SMG9: variants seen among roughly 807,000 people sequenced by gnomAD.
The protein encoded by SMG9 is SMG9 nonsense mediated mRNA decay factor.
Under a neutral mutation model 64.0 loss-of-function variants are expected in SMG9, and 55 were observed. That is an observed-to-expected ratio of 0.86 (90% CI 0.69 to 1.08). The LOEUF (loss-of-function observed/expected upper bound fraction) is 1.08. Among genes scored for constraint, SMG9 ranks in the 50% least tolerant of loss-of-function variants. SMG9 has a pLI of 0.00. For missense variants in SMG9, 554 were observed against 681.3 expected (o/e 0.81, Z 2.08); for synonymous variants, 244 against 254.8 (o/e 0.96, Z 0.41).
intron 6 of SMG9, among the ~76,000 whole-genome samples, chr19:43,740,520 T>C (rs1408442248): frequency 1.3e-5 from 2 of 152,174 alleles, no homozygotes; most frequent in Non-Finnish European, 2.9e-5. Flanking sequence ...TGCCTCTTCC[T>C]GGCTGTGTGG....
rs1048618277 is a variant in SMG9, at chr19:43,729,872, T to C, written c.*1724A>G. 1.3e-5 allele frequency: 2 copies of C among 152,258 alleles called. No individual in the cohort carries two copies. The highest frequency in any genetic ancestry group is 4.8e-5 in the African/African-American group (2 of 41,444). 9.4% of individuals were successfully genotyped at this position (152,258 alleles called of 1,614,324 possible). A position where few individuals can be genotyped will look rare whatever the true frequency, so the allele number is the denominator to read the frequency against. On this transcript the variant is annotated 3_prime_UTR_variant, in exon 14 of 14. Coordinates refer to ENST00000270066, the MANE Select transcript of SMG9 (RefSeq NM_019108.4). ...AGGATGATCTTAAATGTTGGAATAA[T>C]GGCCAGAGAGGGGAGGCTCCTTGCC...
chr19:43,731,857 A>G (rs1968497029), intron 13 of SMG9, among the ~76,000 whole-genome samples, 183 bp from the exon 14 acceptor site: 3 of 152,208 alleles, frequency 2.0e-5, no homozygotes, highest in East Asian at 3.8e-4. Flanking sequence ...AGGTGGCCCA[A>G]CTTTTCTTAG....
At chr19:43,742,143 T>C (rs1243076719) in intron 6 of SMG9, among the ~76,000 whole-genome samples, 1 of 151,480 alleles carries the variant, frequency 6.6e-6, no homozygotes, top group Non-Finnish European at 1.5e-5. Flanking sequence ...GCGACAATTG[T>C]CTCAAAAATA....
At chr19:43,750,542 C>T (rs779306959) in intron 2 of SMG9, 50 bp downstream of exon 2, 12 of 1,560,174 alleles carry the variant, frequency 7.7e-6, no homozygotes, top group Middle Eastern at 1.7e-4. Context: ...ATGGCAGGTG[C>T]GTGGAACCAA....
At position 43,734,454 on chromosome 19, in the gene SMG9, G is replaced by A. The variant is rs1331105650; in HGVS notation, c.1037C>T (p.Ser346Phe). The change falls in exon 10 of 14, where the codon TCC becomes TTC. Residue 346 changes from serine to phenylalanine, a missense_variant. Transcript: ENST00000270066. ...TGAGCTGCTGGACTCGTGGCTGGGG[G>A]ATGGGGTGGAGGGCTTCACCATCTC... is the stretch of plus-strand genomic sequence containing the variant. ...TAEMVKPSTPSPSHESSSSSG... is the reference protein window; with the variant it reads ...TAEMVKPSTPFPSHESSSSSG... The A allele has an allele frequency of 3.8e-6, 6 of 1,563,026 alleles. No individual in the cohort carries two copies. Among genetic ancestry groups the A allele is most frequent in the Non-Finnish European group, 5.2e-6 (6 of 1,153,196 alleles).
chr19:43,745,526 G>T (rs192487713), intron 5 of SMG9, among the ~76,000 whole-genome samples: 258 of 152,328 alleles, frequency 1.7e-3, no homozygotes, highest in African/African-American at 5.9e-3. Flanking sequence ...TGTGGCTGCT[G>T]CTCCTTAGAA....
At chr19:43,734,732 G>A (rs1968602602) in intron 9 of SMG9, 1 of 417,678 alleles carries the variant, frequency 2.4e-6, no homozygotes, top group Non-Finnish European at 4.3e-6. Context: ...TTTTTTAAAG[G>A]CTATTTTTTA....
At chr19:43,744,514 T>G (rs1968938881) in intron 6 of SMG9, among the ~76,000 whole-genome samples, 1 of 150,772 alleles carries the variant, frequency 6.6e-6, no homozygotes. Flanking sequence ...TCCCACTTCT[T>G]GTCTAGGACC....
At chr19:43,746,279 A>G (rs1286740352) in intron 5 of SMG9, among the ~76,000 whole-genome samples, 2 of 152,340 alleles carry the variant, frequency 1.3e-5, no homozygotes, top group South Asian at 4.1e-4. Flanking sequence ...TTGATCATAC[A>G]TGGCTATTTA....
At chr19:43,740,790 C>T (rs1209265480) in intron 6 of SMG9, among the ~76,000 whole-genome samples, 6 of 152,154 alleles carry the variant, frequency 3.9e-5, no homozygotes, top group South Asian at 2.1e-4. Flanking sequence ...CAGCATCTTC[C>T]CCTGTCAGGT....
rs1477957761 is a variant in SMG9 at position 43,747,841 on chromosome 19, CA to C, written c.281del (p.Leu94ArgfsTer8). 1.2e-6 allele frequency: 2 copies of C among 1,606,740 alleles called. No individual in the cohort carries two copies. The highest frequency in any genetic ancestry group is 1.3e-5 in the African/African-American group (1 of 74,870). Reference protein sequence around the residue: ...APAAPPAPAPLEKPIVLMKPR... With the variant: ...APAAPPAPAPXEKPIVLMKPR... Reference sequence around the variant, plus strand: ...GCTTCATGAGAACGATGGGCTTCTCCAGAGGGGCTGGAGCAGGCGGGGCAGC... The same window carrying C: ...GCTTCATGAGAACGATGGGCTTCTCCGAGGGGCTGGAGCAGGCGGGGCAGC... On this transcript the variant is annotated frameshift_variant, in exon 4 of 14. Transcript: ENST00000270066. LOFTEE classifies it high-confidence loss of function.
At chr19:43,733,783 A>G in intron 10 of SMG9, 50 bp from the exon 11 acceptor site, 2 of 1,413,000 alleles carry the variant, frequency 1.4e-6, no homozygotes, top group Non-Finnish European at 2.0e-6. Flanking sequence ...GCTTGGCTTC[A>G]TGGACTCCCC....
In SMG9 at chr19:43,737,635, A is replaced by G. The variant is rs368221107; in HGVS notation, c.957T>C (p.Ile319=). The part of the protein sequence containing the change: ...AFLFTVCHVV[I]VVQDWFTDLS... Reference sequence around the variant, plus strand: ...GGTCTGTGAACCAGTCCTGGACAACAATCACCACATGGCAGACCGTGAAAA... The same window carrying G: ...GGTCTGTGAACCAGTCCTGGACAACGATCACCACATGGCAGACCGTGAAAA... The change falls in exon 9 of 14, where the codon ATT becomes ATC. Residue 319 remains isoleucine (I), a synonymous_variant. Coordinates refer to ENST00000270066, the MANE Select transcript of SMG9 (RefSeq NM_019108.4). 40 of 1,613,938 alleles carry G rather than the reference A, an allele frequency of 2.5e-5. No homozygotes were observed. In the African/African-American group the frequency reaches 5.1e-4, roughly 20 times the overall value.
intron 4 of SMG9, 30 bp from the exon 5 acceptor site, chr19:43,747,569 G>A: frequency 5.0e-6 from 8 of 1,614,140 alleles, no homozygotes; most frequent in Non-Finnish European, 6.8e-6. Flanking sequence ...GGAGACAGAG[G>A]ATGCAGTGAG....
intron 9 of SMG9, among the ~76,000 whole-genome samples, chr19:43,737,367 G>C (rs1165320072): frequency 6.6e-6 from 1 of 152,218 alleles, no homozygotes; most frequent in African/African-American, 2.4e-5. Flanking sequence ...GACTTTGTAA[G>C]CCATGCACGG....
intron 6 of SMG9, among the ~76,000 whole-genome samples, chr19:43,742,007 A>C (rs1444126148): frequency 6.6e-6 from 1 of 151,968 alleles, no homozygotes; most frequent in African/African-American, 2.4e-5. Context: ...AATTAGCCGG[A>C]TGTGGTGGTG....
chr19:43,741,367 G>C (rs1968841551), intron 6 of SMG9, among the ~76,000 whole-genome samples: 1 of 152,192 alleles, frequency 6.6e-6, no homozygotes, highest in Non-Finnish European at 1.5e-5. Flanking sequence ...AGGACTCAAA[G>C]ACCAGCATGG....
chr19:43,754,922 G>C lies in SMG9; in HGVS notation c.-275C>G, dbSNP rs887299603. The stretch of plus-strand genomic sequence containing the variant: ...TGAGATCAGTTCCCTCAGGCGACTC[G>C]TCCTGCGCATGCGCTGAGGGCTGGA... On this transcript the variant is annotated 5_prime_UTR_variant, in exon 1 of 14. Coordinates refer to ENST00000270066, the MANE Select transcript of SMG9 (RefSeq NM_019108.4). 2 of 152,326 alleles carry C rather than the reference G, an allele frequency of 1.3e-5. No individual in the cohort carries two copies. The highest frequency in any genetic ancestry group is 1.5e-5 in the Non-Finnish European group (1 of 68,096). The allele number at this position is 152,326 out of a possible 1,614,324, so 9.4% of individuals were successfully genotyped here.
At position 43,734,466 on chromosome 19, in the gene SMG9, G is replaced by A; in HGVS notation, c.1025C>T (p.Pro342Leu). Residue 342 changes from proline (P) to leucine (L), a missense_variant, in exon 10 of 14, where the codon CCC (proline) becomes CTC (leucine). Coordinates refer to ENST00000270066, the MANE Select transcript of SMG9 (RefSeq NM_019108.4). ...RFLQTAEMVK[P>L]STPSPSHESS... Reference sequence around the variant, plus strand: ...CTCGTGGCTGGGGGATGGGGTGGAGGGCTTCACCATCTCTGCTGTCTGCAG... The same window carrying A: ...CTCGTGGCTGGGGGATGGGGTGGAGAGCTTCACCATCTCTGCTGTCTGCAG... 2 of 1,561,100 alleles carry A rather than the reference G, an allele frequency of 1.3e-6. No individual in the cohort carries two copies. Among genetic ancestry groups the A allele is most frequent in the Non-Finnish European group, 1.7e-6 (2 of 1,152,196 alleles).
Sources: gnomAD v4.1 joint callset for allele counts (sites outside exome capture counted in the v4.1 genomes callset) on GRCh38, gnomAD v4.1.1 for gene constraint, MANE v1.5 for transcripts, NCBI Gene and HGNC (gene_info 2026-07-23, HGNC 2026-07-21) for gene names.